TRPC6: variants seen among roughly 807,000 people sequenced by gnomAD.
TRPC6 encodes transient receptor potential cation channel subfamily C member 6.
In TRPC6, 55 loss-of-function variants were observed where a neutral mutation model predicts 90.7. That is an observed-to-expected ratio of 0.61 (90% CI 0.49 to 0.76). The LOEUF is 0.76. Among genes scored for constraint, TRPC6 ranks in the 30% least tolerant of loss-of-function variants. The pLI is 0.00. For missense variants in TRPC6, 989 were observed against 1,122.7 expected (o/e 0.88, Z 1.70); for synonymous variants, 393 against 393.0 (o/e 1.00, Z 0.00).
rs938430988 is a variant in TRPC6 at position 101,485,053 on chromosome 11, T to C, written c.1294-1888A>G. 2.0e-5 allele frequency among the ~76,000 whole-genome samples: 3 copies of C among 151,876 alleles called. No individual in the cohort carries two copies. In the East Asian group the frequency reaches 5.8e-4, roughly 29 times the overall value. The stretch of plus-strand genomic sequence containing the variant: ...TACCTGTTCAACACAGACACAATTT[T>C]TTTCAAATGTTTTCAATCTGCGGTT... On this transcript the variant is annotated intron_variant, in intron 4 of 12. Coordinates refer to ENST00000344327, the MANE Select transcript of TRPC6 (RefSeq NM_004621.6).
At chr11:101,484,347 A>G (rs1859621758) in intron 4 of TRPC6, among the ~76,000 whole-genome samples, 2 of 152,112 alleles carry the variant, frequency 1.3e-5, no homozygotes, top group Admixed American at 1.3e-4. Context: ...ATAATTTCAT[A>G]CTTTCTCATC....
At chr11:101,530,445 A>G (rs573298864) in intron 1 of TRPC6, among the ~76,000 whole-genome samples, 25 of 152,262 alleles carry the variant, frequency 1.6e-4, no homozygotes, top group South Asian at 2.1e-4. Flanking sequence ...CTCCAGAGGC[A>G]GGTCTGAGAC....
At chr11:101,512,372 A>G (rs1249587997) in intron 1 of TRPC6, among the ~76,000 whole-genome samples, 1 of 152,160 alleles carries the variant, frequency 6.6e-6, no homozygotes, top group Non-Finnish European at 1.5e-5. Context: ...TCATCATTTC[A>G]TTTGTATCAT....
chr11:101,532,586 T>C (rs1306019606), intron 1 of TRPC6, among the ~76,000 whole-genome samples: 3 of 152,166 alleles, frequency 2.0e-5, no homozygotes, highest in Non-Finnish European at 4.4e-5. Context: ...TGGAAGTAAC[T>C]GGGAGCGGAC....
rs150220193 is a variant in TRPC6, at chr11:101,534,921, G to C, written c.171-30123C>G. On this transcript the variant is annotated intron_variant, in intron 1 of 12. Transcript: ENST00000344327. ...CTTATGCCTGTAATCCCAGAACTTT[G>C]GGAGGCCCAGTGAGCACATCACCTG... is the stretch of plus-strand genomic sequence containing the variant. 1.6e-3 allele frequency among the ~76,000 whole-genome samples: 247 copies of C among 152,244 alleles called. 1 individual carries two copies. The highest frequency in any genetic ancestry group is 3.4e-3 in the Middle Eastern group (1 of 294).
rs182426866 is a variant in TRPC6, at chr11:101,487,169, G to A, written c.1293+1768C>T. ...ACACTCTGGAATACATTATGCTTTCGAACACACTGGTTATGGAAAAGGAAA... is the reference window on the plus strand; with the variant it reads ...ACACTCTGGAATACATTATGCTTTCAAACACACTGGTTATGGAAAAGGAAA... On this transcript the variant is annotated intron_variant, in intron 4 of 12. Transcript: ENST00000344327. 5.5e-3 allele frequency among the ~76,000 whole-genome samples: 840 copies of A among 152,116 alleles called. 5 individuals are homozygous for A. The highest frequency in any genetic ancestry group is 0.013 in the African/African-American group (520 of 41,526).
At chr11:101,556,992 T>C (rs980156722) in intron 1 of TRPC6, among the ~76,000 whole-genome samples, 2 of 152,140 alleles carry the variant, frequency 1.3e-5, no homozygotes, top group African/African-American at 4.8e-5. Context: ...GGAAAAGCAT[T>C]TGACAAAATT....
chr11:101,498,438 C>T (rs1860005509), intron 2 of TRPC6, among the ~76,000 whole-genome samples: 1 of 152,128 alleles, frequency 6.6e-6, no homozygotes, highest in Non-Finnish European at 1.5e-5. Flanking sequence ...GATTTCTCTG[C>T]TGAGGTCTCG....
intron 1 of TRPC6, among the ~76,000 whole-genome samples, chr11:101,509,611 A>G (rs908022972): frequency 2.6e-5 from 4 of 152,112 alleles, no homozygotes; most frequent in African/African-American, 9.7e-5. Context: ...GACAAGTTCT[A>G]TCTTGGCAAG....
intron 1 of TRPC6, among the ~76,000 whole-genome samples, chr11:101,569,456 C>A (rs1474748509): frequency 6.6e-6 from 1 of 152,208 alleles, no homozygotes; most frequent in East Asian, 1.9e-4. Flanking sequence ...TTAGAGAGAT[C>A]AAAGAGACAA....
chr11:101,500,564 T>C (rs1486897782), intron 2 of TRPC6, among the ~76,000 whole-genome samples: 2 of 152,132 alleles, frequency 1.3e-5, no homozygotes, highest in Non-Finnish European at 2.9e-5. Context: ...TCTAATATAC[T>C]AATAATAGAT....
intron 1 of TRPC6, among the ~76,000 whole-genome samples, chr11:101,515,790 A>G (rs1860503557): frequency 6.6e-6 from 1 of 152,362 alleles, no homozygotes. Flanking sequence ...CAAGTAAATT[A>G]TAAGTTTACT....
At chr11:101,455,687 T>G (rs1858866628) in intron 10 of TRPC6, 1 of 152,620 alleles carries the variant, frequency 6.6e-6, no homozygotes, top group South Asian at 2.1e-4. Context: ...ATTAAAGCAA[T>G]CTGCAATAAA....
chr11:101,569,361 C>A (rs976320140), intron 1 of TRPC6, among the ~76,000 whole-genome samples: 1 of 152,144 alleles, frequency 6.6e-6, no homozygotes, highest in Non-Finnish European at 1.5e-5. Context: ...CACCCAGATT[C>A]ATAAAGCAAG....
chr11:101,503,084 C>T (rs1860169284), intron 2 of TRPC6, among the ~76,000 whole-genome samples: 1 of 152,010 alleles, frequency 6.6e-6, no homozygotes, highest in Non-Finnish European at 1.5e-5. Context: ...AACAATAATC[C>T]ATGGTAAAAG....
intron 4 of TRPC6, among the ~76,000 whole-genome samples, chr11:101,483,422 T>C (rs976510332): frequency 1.3e-5 from 2 of 152,228 alleles, no homozygotes; most frequent in African/African-American, 4.8e-5. Flanking sequence ...ATTTAAATTC[T>C]TAAAATATAT....
intron 1 of TRPC6, among the ~76,000 whole-genome samples, chr11:101,523,340 A>T (rs1860704520): frequency 6.6e-6 from 1 of 152,190 alleles, no homozygotes; most frequent in Non-Finnish European, 1.5e-5. Context: ...TACTGGTCAC[A>T]GTTATTTTGA....
At chr11:101,496,050 G>C (rs1447442365) in intron 2 of TRPC6, among the ~76,000 whole-genome samples, 1 of 151,804 alleles carries the variant, frequency 6.6e-6, no homozygotes, top group East Asian at 1.9e-4. Context: ...AGGCAAAGGG[G>C]AAGCAAGCAC....
intron 6 of TRPC6, among the ~76,000 whole-genome samples, chr11:101,475,030 G>T (rs964027319): frequency 4.6e-5 from 7 of 152,146 alleles, no homozygotes; most frequent in Non-Finnish European, 4.4e-5. Context: ...TTGCTATCTA[G>T]AAACTGGAGG....
Sources: gnomAD v4.1 joint callset for allele counts (sites outside exome capture counted in the v4.1 genomes callset) on GRCh38, gnomAD v4.1.1 for gene constraint, MANE v1.5 for transcripts, NCBI Gene and HGNC (gene_info 2026-07-23, HGNC 2026-07-21) for gene names.